Variants in TRPM3 observed in about 807,000 individuals in gnomAD.
The protein encoded by TRPM3 is long transient receptor potential channel 3.
Under a neutral mutation model 181.2 loss-of-function variants are expected in TRPM3, and 77 were observed. That is an observed-to-expected ratio of 0.42 (90% CI 0.35 to 0.51). The LOEUF is 0.51. Ranked by LOEUF, TRPM3 falls within the 20% of genes least tolerant of loss-of-function variation. The pLI is 0.01. For missense variants in TRPM3, 1,759 were observed against 2,196.7 expected (o/e 0.80, Z 3.98); for synonymous variants, 745 against 796.4 (o/e 0.94, Z 1.09).
intron 1 of TRPM3, among the ~76,000 whole-genome samples, chr9:71,435,505 G>A (rs2094018772): frequency 6.6e-6 from 1 of 152,124 alleles, no homozygotes; most frequent in Non-Finnish European, 1.5e-5. Context: ...TCAACACTCA[G>A]AAACCCAAAG....
At chr9:71,203,221 T>C (rs564312731) in intron 1 of TRPM3, among the ~76,000 whole-genome samples, 2 of 152,314 alleles carry the variant, frequency 1.3e-5, no homozygotes, top group East Asian at 3.9e-4. Flanking sequence ...AGAATGCTGG[T>C]TTTACCACTT....
At chr9:71,380,922 A>G (rs2092784802) in intron 1 of TRPM3, among the ~76,000 whole-genome samples, 2 of 150,036 alleles carry the variant, frequency 1.3e-5, no homozygotes, top group South Asian at 4.2e-4. Context: ...GTAGGGGATG[A>G]CAAAATGAAG....
chr9:71,383,369 T>A (rs1401472094), intron 1 of TRPM3, among the ~76,000 whole-genome samples: 1 of 152,174 alleles, frequency 6.6e-6, no homozygotes, highest in Non-Finnish European at 1.5e-5. Context: ...AACTGACCAC[T>A]ATGGACTGCA....
At chr9:70,842,893 A>C in intron 5 of TRPM3, 110 bp downstream of exon 5, 3 of 1,065,708 alleles carry the variant, frequency 2.8e-6, no homozygotes, top group Non-Finnish European at 4.1e-6. Context: ...TTTAGTGAGT[A>C]GAGACCCAAA....
chr9:71,358,714 G>C (rs79896464), intron 1 of TRPM3, among the ~76,000 whole-genome samples: 1 of 152,128 alleles, frequency 6.6e-6, no homozygotes, highest in Non-Finnish European at 1.5e-5. Flanking sequence ...AAGGTGAAAG[G>C]AGGAGTCAAC....
Position 70,680,965 on chromosome 9 carries a change from A to G in TRPM3, c.1345+541T>C, listed in dbSNP as rs2065272153. 2.0e-5 allele frequency among the ~76,000 whole-genome samples: 3 copies of G among 152,170 alleles called. No individual in the cohort carries two copies. The South Asian group carries it at 6.2e-4, about 31-fold the overall frequency. On this transcript the variant is annotated intron_variant, in intron 9 of 25. Transcript: ENST00000677713. ...TTCAAAACAAGTTACAACGCAGAGTATTACCATTTTTGCCTTGACTTCCAG... is the reference window on the plus strand; with the variant it reads ...TTCAAAACAAGTTACAACGCAGAGTGTTACCATTTTTGCCTTGACTTCCAG...
At chr9:71,254,752 C>T (rs532697458) in intron 1 of TRPM3, among the ~76,000 whole-genome samples, 92 of 152,132 alleles carry the variant, frequency 6.0e-4, no homozygotes, top group African/African-American at 2.1e-3. Context: ...AGACAGTTTG[C>T]ATAACCTTTA....
At position 70,575,099 on chromosome 9, in the gene TRPM3, ATC is replaced by A. The variant is rs1234405975; in HGVS notation, c.3223+15930_3223+15931del. Among the ~76,000 whole-genome samples, 218 of 130,664 alleles carry A rather than the reference ATC, an allele frequency of 1.7e-3. 1 individual carries two copies. Among genetic ancestry groups the A allele is most frequent in the Non-Finnish European group, 1.4e-3 (88 of 61,044 alleles). The allele number at this position is 130,664 out of a possible 152,430, so 85.7% of individuals were successfully genotyped here. A position where few individuals can be genotyped will look rare whatever the true frequency, so the allele number is the denominator to read the frequency against. On this transcript the variant is annotated intron_variant, in intron 22 of 25. Transcript: ENST00000677713. ...TGGGACCACAGGTGTGTGCCACCAC[ATC>A]CCGCATAATTTTTTTTTTTTTTTTT...
At chr9:71,229,399 T>C (rs2080901202) in intron 1 of TRPM3, among the ~76,000 whole-genome samples, 1 of 152,086 alleles carries the variant, frequency 6.6e-6, no homozygotes, top group South Asian at 2.1e-4. Flanking sequence ...TCCAGGACAT[T>C]AAACTTGGCA....
chr9:71,062,834 C>T (rs1179217138), intron 1 of TRPM3, among the ~76,000 whole-genome samples: 1 of 152,060 alleles, frequency 6.6e-6, no homozygotes, highest in African/African-American at 2.4e-5. Flanking sequence ...GGCCTTCCGC[C>T]TTCTACCACA....
chr9:70,888,353 T>C (rs1327893620), intron 1 of TRPM3, among the ~76,000 whole-genome samples: 1 of 137,936 alleles, frequency 7.2e-6, no homozygotes, highest in Non-Finnish European at 1.5e-5. Context: ...GCTCTTGCTT[T>C]TATTTTGGGG....
At chr9:71,389,337 T>C (rs576829918) in intron 1 of TRPM3, among the ~76,000 whole-genome samples, 3 of 151,572 alleles carry the variant, frequency 2.0e-5, no homozygotes, top group South Asian at 4.2e-4. Flanking sequence ...AAAAAACAGA[T>C]GTTCGTGTGG....
intron 1 of TRPM3, among the ~76,000 whole-genome samples, chr9:71,120,252 C>CT (rs1228501181): frequency 2.0e-5 from 3 of 152,098 alleles, no homozygotes; most frequent in African/African-American, 7.2e-5. Flanking sequence ...AGAACTTTGC[C>CT]TTTTTTAACT....
chr9:71,147,424 G>GACACACACACACACACACAC lies in TRPM3; in HGVS notation c.184-282933_184-282914dup, dbSNP rs34795244. On this transcript the variant is annotated intron_variant, in intron 1 of 24. Coordinates refer to the TRPM3 transcript ENST00000357533. The stretch of plus-strand genomic sequence containing the variant: ...TCTGCCCTCTTGCCTGCAACACACA[G>GACACACACACACACACACAC]ACACACACACACACACACACACACA... Among the ~76,000 whole-genome samples, 181 of 145,042 alleles carry GACACACACACACACACACAC rather than the reference G, an allele frequency of 1.2e-3. 2 individuals carry two copies. The highest frequency in any genetic ancestry group is 1.6e-3 in the Non-Finnish European group (109 of 66,158).
intron 1 of TRPM3, among the ~76,000 whole-genome samples, chr9:70,978,661 C>T (rs546848627): frequency 2.0e-5 from 3 of 152,354 alleles, no homozygotes; most frequent in South Asian, 4.1e-4. Context: ...TGGGGTAAGA[C>T]ATTTCGCTTG....
Position 70,809,634 on chromosome 9 carries a change from A to T in TRPM3, c.973+18213T>A, listed in dbSNP as rs145717651. Among the ~76,000 whole-genome samples the T allele has an allele frequency of 7.6e-4, 116 of 152,310 alleles. 2 individuals carry two copies. Among genetic ancestry groups the T allele is most frequent in the African/African-American group, 2.4e-3 (98 of 41,566 alleles). On this transcript the variant is annotated intron_variant, in intron 6 of 25. Transcript: ENST00000677713. ...AGTAGGTTATACCTTCTAGGTTTGT[A>T]TAAGTACACTCTATGATGTTCATGA...
At chr9:70,568,108 T>C (rs1184943802) in intron 22 of TRPM3, among the ~76,000 whole-genome samples, 1 of 152,200 alleles carries the variant, frequency 6.6e-6, no homozygotes, top group African/African-American at 2.4e-5. Flanking sequence ...ATAAAATATA[T>C]GTGTAAGATG....
intron 1 of TRPM3, among the ~76,000 whole-genome samples, chr9:70,891,359 T>C (rs748530942): frequency 3.9e-5 from 6 of 152,146 alleles, no homozygotes; most frequent in Non-Finnish European, 7.3e-5. Context: ...TAAATCCCAT[T>C]TTTCAAAGTA....
At chr9:70,939,583 A>G (rs1275235219) in intron 1 of TRPM3, among the ~76,000 whole-genome samples, 1 of 152,228 alleles carries the variant, frequency 6.6e-6, no homozygotes, top group Non-Finnish European at 1.5e-5. Flanking sequence ...TGTGCCCACA[A>G]GGGTTGATTT....
Sources: gnomAD v4.1 joint callset for allele counts (sites outside exome capture counted in the v4.1 genomes callset) on GRCh38, gnomAD v4.1.1 for gene constraint, MANE v1.5 for transcripts, NCBI Gene and HGNC (gene_info 2026-07-23, HGNC 2026-07-21) for gene names.